The following ADGRB3 variants were observed in gnomAD, a reference collection of about 807,000 sequenced individuals.
ADGRB3 encodes the protein adhesion G protein-coupled receptor B3.
ADGRB3 carries 37 observed loss-of-function variants against 193.4 expected under a neutral mutation model. The ratio of observed to expected loss-of-function variants is 0.19; its 90% CI spans 0.15 to 0.25. ADGRB3 has a LOEUF of 0.25. ADGRB3 is among the 10% of genes least tolerant of loss of function. The pLI is 1.00. For synonymous variants in ADGRB3, 690 were observed against 644.2 expected (o/e 1.07, Z -1.08); for missense variants, 1,637 against 1,852.9 (o/e 0.88, Z 2.14).
At chr6:69,372,056 T>G (rs150226317) in intron 29 of ADGRB3, among the ~76,000 whole-genome samples, 96 of 152,216 alleles carry the variant, frequency 6.3e-4, no homozygotes, top group Middle Eastern at 3.4e-3. Context: ...TTTGCTGTAG[T>G]AAGCCTAAAG....
At chr6:68,933,315 G>C (rs1767394714) in intron 4 of ADGRB3, among the ~76,000 whole-genome samples, 1 of 152,116 alleles carries the variant, frequency 6.6e-6, no homozygotes, top group South Asian at 2.1e-4. Context: ...AATTAGGCTG[G>C]GTGCAGTGGC....
At chr6:69,382,368 A>G (rs1182145355) in intron 30 of ADGRB3, among the ~76,000 whole-genome samples, 3 of 151,890 alleles carry the variant, frequency 2.0e-5, no homozygotes, top group Non-Finnish European at 4.4e-5. Flanking sequence ...AGGGCTTGGG[A>G]TTTTGTTCCC....
intron 20 of ADGRB3, among the ~76,000 whole-genome samples, chr6:69,246,026 G>A (rs1766492348): frequency 6.6e-6 from 1 of 152,116 alleles, no homozygotes; most frequent in African/African-American, 2.4e-5. Context: ...AGCTAATAGT[G>A]ATAGATTATT....
At chr6:69,357,075 C>A (rs1312201180) in intron 28 of ADGRB3, among the ~76,000 whole-genome samples, 2 of 152,040 alleles carry the variant, frequency 1.3e-5, no homozygotes, top group Non-Finnish European at 2.9e-5. Context: ...TCAGATTAAA[C>A]AAGCCTTGTT....
chr6:69,289,694 C>G (rs576265373), intron 20 of ADGRB3, among the ~76,000 whole-genome samples: 7 of 152,090 alleles, frequency 4.6e-5, no homozygotes, highest in Non-Finnish European at 7.4e-5. Flanking sequence ...TTTTCTGTTC[C>G]CATAAACATC....
chr6:68,952,774 T>C (rs1297288120), intron 6 of ADGRB3, among the ~76,000 whole-genome samples: 1 of 148,662 alleles, frequency 6.7e-6, no homozygotes, highest in South Asian at 2.3e-4. Flanking sequence ...CATTATTTTC[T>C]CTGTTACTGA....
At chr6:68,893,002 G>T (rs1483644614) in intron 3 of ADGRB3, among the ~76,000 whole-genome samples, 1 of 152,064 alleles carries the variant, frequency 6.6e-6, no homozygotes, top group Admixed American at 6.6e-5. Context: ...CTTCTCTAAT[G>T]CCTGCCTTAG....
chr6:68,795,718 T>C (rs1767194556), intron 3 of ADGRB3, among the ~76,000 whole-genome samples: 1 of 152,130 alleles, frequency 6.6e-6, no homozygotes, highest in Non-Finnish European at 1.5e-5. Flanking sequence ...ACACCGAATG[T>C]TCATGAATGG....
intron 3 of ADGRB3, among the ~76,000 whole-genome samples, chr6:68,680,972 T>C (rs1319399093): frequency 1.3e-5 from 2 of 152,094 alleles, no homozygotes; most frequent in Non-Finnish European, 2.9e-5. Context: ...AGAAAATAAA[T>C]TTATTTGGCT....
chr6:69,112,750 T>A (rs999041702), intron 17 of ADGRB3, among the ~76,000 whole-genome samples: 3 of 147,606 alleles, frequency 2.0e-5, no homozygotes, highest in African/African-American at 7.3e-5. Context: ...GTATTATAAG[T>A]AATCCAGAGA....
At chr6:69,031,121 T>G (rs1770668563) in intron 13 of ADGRB3, among the ~76,000 whole-genome samples, 1 of 133,924 alleles carries the variant, frequency 7.5e-6, no homozygotes, top group African/African-American at 2.8e-5. Context: ...CTTCTCTCTC[T>G]TCTCTCTGTC....
chr6:68,934,434 G>C (rs1204489601), intron 4 of ADGRB3, among the ~76,000 whole-genome samples: 2 of 152,126 alleles, frequency 1.3e-5, no homozygotes, highest in African/African-American at 4.8e-5. Context: ...TGAATTCACT[G>C]CTCAGTTTAG....
intron 4 of ADGRB3, among the ~76,000 whole-genome samples, chr6:68,933,159 A>AT (rs1263798459): frequency 6.6e-6 from 1 of 151,832 alleles, no homozygotes; most frequent in Non-Finnish European, 1.5e-5. Context: ...ATGGCTTAAG[A>AT]TATCCTAGTT....
intron 3 of ADGRB3, among the ~76,000 whole-genome samples, chr6:68,655,398 T>C (rs1317501870): frequency 6.6e-6 from 1 of 151,700 alleles, no homozygotes. Flanking sequence ...ATACTTAGCA[T>C]AATGTTTGGA....
chr6:69,004,534 G>C (rs1476418187), intron 11 of ADGRB3, among the ~76,000 whole-genome samples: 3 of 151,290 alleles, frequency 2.0e-5, no homozygotes, highest in Non-Finnish European at 2.9e-5. Context: ...ATTTACATTA[G>C]GTGTTTCTCC....
chr6:68,898,456 T>C (rs960920570), intron 3 of ADGRB3, among the ~76,000 whole-genome samples: 2 of 152,284 alleles, frequency 1.3e-5, no homozygotes, highest in Admixed American at 6.5e-5. Flanking sequence ...TTTCGCCAAC[T>C]ATCTGAGTTT....
chr6:69,068,792 C>T (rs1204824489), intron 16 of ADGRB3, among the ~76,000 whole-genome samples: 1 of 152,090 alleles, frequency 6.6e-6, no homozygotes, highest in African/African-American at 2.4e-5. Context: ...AATATGTGCC[C>T]TCTCCTTGTA....
At chr6:69,053,290 G>A (rs1031680522) in intron 15 of ADGRB3, among the ~76,000 whole-genome samples, 3 of 152,150 alleles carry the variant, frequency 2.0e-5, no homozygotes, top group Non-Finnish European at 2.9e-5. Flanking sequence ...GATCCTTATC[G>A]CTTAGGTGAC....
At chr6:69,108,927 G>A (rs1017666938) in intron 17 of ADGRB3, among the ~76,000 whole-genome samples, 4 of 152,124 alleles carry the variant, frequency 2.6e-5, no homozygotes, top group Non-Finnish European at 4.4e-5. Context: ...TAGGGAAGAG[G>A]TAATATTCAC....
Sources: gnomAD v4.1 joint callset for allele counts (sites outside exome capture counted in the v4.1 genomes callset) on GRCh38, gnomAD v4.1.1 for gene constraint, MANE v1.5 for transcripts, NCBI Gene and HGNC (gene_info 2026-07-23, HGNC 2026-07-21) for gene names.